Variants in BEND6 observed in about 807,000 individuals in gnomAD.
BEND6 encodes the protein BEN domain containing 6, also known as BEN domain-containing protein 6.
Under a neutral mutation model 31.8 loss-of-function variants are expected in BEND6, and 24 were observed. The ratio of observed to expected loss-of-function variants is 0.75; its 90% CI spans 0.55 to 1.06. The LOEUF is 1.06. Ranked by LOEUF, BEND6 falls within the 50% of genes least tolerant of loss-of-function variation. The pLI, the probability that BEND6 is intolerant of heterozygous loss-of-function variation, is 0.00. For synonymous variants in BEND6, 109 were observed against 114.6 expected, an observed-to-expected ratio of 0.95 and a Z score of 0.31; for missense variants, 294 against 327.4, an observed-to-expected ratio of 0.90 and a Z score of 0.79.
chr6:57,012,577 G>A (rs1273712145), intron 3 of BEND6, among the ~76,000 whole-genome samples: 2 of 151,988 alleles, frequency 1.3e-5, no homozygotes, highest in African/African-American at 2.4e-5. Flanking sequence ...GCCTTTAATT[G>A]TATGTAAATT....
At chr6:56,959,398 G>A (rs892050470) in intron 1 of BEND6, among the ~76,000 whole-genome samples, 6 of 152,180 alleles carry the variant, frequency 3.9e-5, no homozygotes, top group Non-Finnish European at 7.3e-5. Context: ...TACCCAGTTG[G>A]TAATCACACA....
rs1183733777 is a variant in BEND6 at position 56,975,697 on chromosome 6, A to C, written c.-100-6014A>C. 6.7e-6 allele frequency: 3 copies of C among 450,862 alleles called. No individual in the cohort carries two copies. In the East Asian group the frequency reaches 1.6e-4, roughly 24 times the overall value. 27.9% of individuals were successfully genotyped at this position (450,862 alleles called of 1,614,324 possible). On this transcript the variant is annotated intron_variant, in intron 1 of 6. Transcript: ENST00000370746. The stretch of plus-strand genomic sequence containing the variant: ...CACACATGAATTTAATGAATAGAAG[A>C]AGAAATCTATTGAGTTTTGGGATAT...
chr6:57,024,067 A>T (rs1204636667), intron 6 of BEND6, among the ~76,000 whole-genome samples: 1 of 152,226 alleles, frequency 6.6e-6, no homozygotes, highest in African/African-American at 2.4e-5. Context: ...AGTTTTAAAA[A>T]AACTTTATAA....
intron 2 of BEND6, among the ~76,000 whole-genome samples, chr6:56,991,044 A>G (rs1348621561): frequency 3.9e-5 from 6 of 152,224 alleles, no homozygotes; most frequent in Non-Finnish European, 8.8e-5. Context: ...TTGCAATCTA[A>G]TGAAAACAAT....
chr6:56,993,359 C>T (rs905432576), intron 3 of BEND6, among the ~76,000 whole-genome samples: 9 of 152,164 alleles, frequency 5.9e-5, no homozygotes, highest in African/African-American at 1.7e-4. Context: ...ATAAGTCCTT[C>T]CAGTTGCTGT....
chr6:56,980,910 C>T (rs1187266475), intron 1 of BEND6, among the ~76,000 whole-genome samples: 1 of 152,132 alleles, frequency 6.6e-6, no homozygotes, highest in Non-Finnish European at 1.5e-5. Flanking sequence ...TAAGACTTAA[C>T]ATGCTACATC....
intron 3 of BEND6, among the ~76,000 whole-genome samples, chr6:56,993,390 G>A (rs1826584385): frequency 6.6e-6 from 1 of 152,150 alleles, no homozygotes; most frequent in Admixed American, 6.5e-5. Context: ...AGTACAAGTG[G>A]TACAAGAAAG....
chr6:57,017,199 C>A lies in BEND6; in HGVS notation c.520-8C>A. On this transcript the variant is annotated splice_polypyrimidine_tract_variant and splice_region_variant and intron_variant, in intron 4 of 6. Transcript: ENST00000370746. ...TTTTCCAACTTCAACTCTTTCTTAT[C>A]TTTTTAGTTCCAGATTGAAAAATGG... 6.4e-7 allele frequency: 1 copy of A among 1,566,766 alleles called. No individual in the cohort carries two copies. Among genetic ancestry groups the A allele is most frequent in the Non-Finnish European group, 8.6e-7 (1 of 1,158,460 alleles).
chr6:56,960,954 A>G (rs1284536438), intron 1 of BEND6, among the ~76,000 whole-genome samples: 1 of 152,192 alleles, frequency 6.6e-6, no homozygotes, highest in African/African-American at 2.4e-5. Flanking sequence ...GAAGAAAGCC[A>G]TTAACCTAAA....
chr6:57,000,207 G>A (rs1309312276), intron 3 of BEND6, among the ~76,000 whole-genome samples: 1 of 152,180 alleles, frequency 6.6e-6, no homozygotes, highest in Non-Finnish European at 1.5e-5. Context: ...TGTGTAGAAA[G>A]AAGTAGACAT....
chr6:56,958,311 T>A (rs2127835960), intron 1 of BEND6, among the ~76,000 whole-genome samples: 2 of 152,306 alleles, frequency 1.3e-5, no homozygotes, highest in African/African-American at 4.8e-5. Flanking sequence ...CAGAAACATC[T>A]TCCTCAGTAC....
At chr6:56,956,218 TAAC>T (rs1204337900) in intron 1 of BEND6, among the ~76,000 whole-genome samples, 1 of 152,292 alleles carries the variant, frequency 6.6e-6, no homozygotes, top group Non-Finnish European at 1.5e-5. Flanking sequence ...GAGTTTCTTA[TAAC>T]AACTGTATTA....
intron 4 of BEND6, among the ~76,000 whole-genome samples, chr6:57,015,810 GAAA>G (rs888955685): frequency 4.2e-5 from 4 of 94,178 alleles, no homozygotes; most frequent in Admixed American, 1.2e-4. Flanking sequence ...GACTCCGTCT[GAAA>G]AAAAAAAAAA....
At chr6:57,000,884 GAAAA>G (rs142783287) in intron 3 of BEND6, among the ~76,000 whole-genome samples, 1 of 99,752 alleles carries the variant, frequency 1.0e-5, no homozygotes, top group Non-Finnish European at 2.0e-5. Flanking sequence ...CACTTCCTCT[GAAAA>G]AAAAAAAAAA....
At position 57,018,449 on chromosome 6, in the gene BEND6, G is replaced by A. The variant is rs749320044; in HGVS notation, c.741G>A (p.Thr247=). The change falls in exon 6 of 7, where the codon ACG becomes ACA. Residue 247 remains threonine, a synonymous_variant. Transcript: ENST00000370746. ...IGVTKQLFPN[T]DDVSIRRMIG... ...TAACAAAACAATTATTTCCCAATAC[G>A]GATGATGTTTCAATTAGGAGAATGA... The A allele has an allele frequency of 3.7e-5, 59 of 1,582,894 alleles. No homozygotes were observed. Among genetic ancestry groups the A allele is most frequent in the South Asian group, 3.4e-4 (29 of 84,126 alleles).
At chr6:57,006,803 C>A (rs953577265) in intron 3 of BEND6, among the ~76,000 whole-genome samples, 1 of 152,144 alleles carries the variant, frequency 6.6e-6, no homozygotes, top group East Asian at 1.9e-4. Flanking sequence ...GCAAAAAGAA[C>A]AATGCTGGAT....
intron 3 of BEND6, among the ~76,000 whole-genome samples, chr6:57,007,293 A>T (rs1288922662): frequency 1.4e-5 from 2 of 142,964 alleles, no homozygotes; most frequent in East Asian, 2.0e-4. Flanking sequence ...GTCTCAAATT[A>T]AAAAAAAAAA....
intron 1 of BEND6, among the ~76,000 whole-genome samples, chr6:56,981,447 A>G (rs1592986039): frequency 2.0e-5 from 3 of 152,210 alleles, no homozygotes; most frequent in Admixed American, 1.3e-4. Flanking sequence ...CTGTTTGACA[A>G]GAAAAAAACT....
chr6:57,007,938 G>A (rs879401703), intron 3 of BEND6, among the ~76,000 whole-genome samples: 11 of 152,150 alleles, frequency 7.2e-5, no homozygotes, highest in Non-Finnish European at 8.8e-5. Context: ...ACAAGGAGAA[G>A]GCCAGAGATA....
Sources: gnomAD v4.1 joint callset for allele counts (sites outside exome capture counted in the v4.1 genomes callset) on GRCh38, gnomAD v4.1.1 for gene constraint, MANE v1.5 for transcripts, NCBI Gene and HGNC (gene_info 2026-07-23, HGNC 2026-07-21) for gene names.